Variants in FAM169A observed in about 807,000 individuals in gnomAD.
FAM169A encodes family with sequence similarity 169 member A, also known as soluble lamin-associated protein of 75 kDa.
FAM169A carries 24 observed loss-of-function variants against 75.7 expected under a neutral mutation model. The observed-to-expected ratio is 0.32, with a 90% confidence interval of 0.23 to 0.45. The LOEUF is 0.45. Among genes scored for constraint, FAM169A ranks in the 20% least tolerant of loss-of-function variants. FAM169A has a pLI of 1.00. For synonymous variants in FAM169A, 271 were observed against 271.0 expected (o/e 1.00, Z 0.00); for missense variants, 673 against 784.0 (o/e 0.86, Z 1.69).
chr5:74,857,335 G>C (rs544798188), intron 1 of FAM169A, among the ~76,000 whole-genome samples: 1 of 151,886 alleles, frequency 6.6e-6, no homozygotes, highest in African/African-American at 2.4e-5. Context: ...CAGAGCCAAT[G>C]AACTCACAAG....
chr5:74,855,351 A>G lies in FAM169A; in HGVS notation c.-4+10814T>C, dbSNP rs375179837. Among the ~76,000 whole-genome samples the G allele has an allele frequency of 2.0e-4, 31 of 152,216 alleles. No homozygotes were observed. The East Asian group carries it at 5.2e-3, about 26-fold the overall frequency. ...GCTGGGACGACAGGTATGCACCACC[A>G]TGTTCAGCTAATTTTTTGGTATTTT... On this transcript the variant is annotated intron_variant, in intron 1 of 12. Transcript: ENST00000687041.
intron 5 of FAM169A, among the ~76,000 whole-genome samples, chr5:74,832,088 T>G (rs1748342038): frequency 6.6e-6 from 1 of 152,066 alleles, no homozygotes; most frequent in Non-Finnish European, 1.5e-5. Flanking sequence ...AACACTAATT[T>G]AAAAATTTTT....
chr5:74,850,699 A>G (rs1342125235), intron 1 of FAM169A, among the ~76,000 whole-genome samples: 1 of 152,230 alleles, frequency 6.6e-6, no homozygotes, highest in Non-Finnish European at 1.5e-5. Context: ...GAAATCAATC[A>G]AAACTTTTGC....
chr5:74,841,809 G>A lies in FAM169A; in HGVS notation c.-3-130C>T, dbSNP rs139802941. 950 of 749,022 alleles carry A rather than the reference G, an allele frequency of 1.3e-3. 10 individuals are homozygous for A. The African/African-American group carries it at 0.014, about 11-fold the overall frequency. The allele number at this position is 749,022 out of a possible 1,614,324, so 46.4% of individuals were successfully genotyped here. A position where few individuals can be genotyped will look rare whatever the true frequency, so the allele number is the denominator to read the frequency against. ...AAGATTTTTCTGTTTCACTTTGCCC[G>A]CAGAATACAACTTGAACCTGCTGAT... On this transcript the variant is annotated intron_variant, in intron 1 of 12. Coordinates refer to ENST00000687041, the MANE Select transcript of FAM169A (RefSeq NM_001376049.1).
chr5:74,796,882 T>C (rs1746305602), intron 10 of FAM169A, among the ~76,000 whole-genome samples: 1 of 152,160 alleles, frequency 6.6e-6, no homozygotes, highest in South Asian at 2.1e-4. Context: ...AATGTCACCT[T>C]GGACAACACA....
Position 74,814,028 on chromosome 5 carries a change from A to T in FAM169A, c.491-9T>A. ...AGAGGCACATATGCTTCCTGCAGTA[A>T]TAAGAACAGAAACCCAATAATTTCT... On this transcript the variant is annotated splice_polypyrimidine_tract_variant and intron_variant, in intron 5 of 12. Transcript: ENST00000687041. 6.6e-7 allele frequency: 1 copy of T among 1,515,738 alleles called. No individual in the cohort carries two copies. The highest frequency in any genetic ancestry group is 8.8e-7 in the Non-Finnish European group (1 of 1,137,116). The allele number at this position is 1,515,738 out of a possible 1,614,324, so 93.9% of individuals were successfully genotyped here. A position where few individuals can be genotyped will look rare whatever the true frequency, so the allele number is the denominator to read the frequency against.
chr5:74,799,427 T>A (rs1406674422), intron 10 of FAM169A: 3 of 1,613,016 alleles, frequency 1.9e-6, no homozygotes, highest in Non-Finnish European at 2.5e-6. Context: ...CGCTCCACAG[T>A]CCTCAGCTTG....
intron 1 of FAM169A, 106 bp downstream of exon 1, chr5:74,866,059 T>C (rs1432938300): frequency 3.8e-6 from 2 of 522,572 alleles, no homozygotes; most frequent in East Asian, 3.0e-4. Context: ...GTGGCCCGCG[T>C]CGCCGCTCGG....
At chr5:74,796,989 C>G (rs996875979) in intron 10 of FAM169A, among the ~76,000 whole-genome samples, 13 of 152,184 alleles carry the variant, frequency 8.5e-5, no homozygotes, top group African/African-American at 2.9e-4. Flanking sequence ...CCAGTTCTCT[C>G]TGGACCACTG....
Position 74,779,577 on chromosome 5 carries a change from TAA to T in FAM169A, c.*1881_*1882del, listed in dbSNP as rs973697787. The stretch of plus-strand genomic sequence containing the variant: ...TGACAGAAGTTTCTCATAAAATGTA[TAA>T]AACAGCATAAATGTTTGGTAGATTC... On this transcript the variant is annotated 3_prime_UTR_variant, in exon 13 of 13. Coordinates refer to ENST00000687041, the MANE Select transcript of FAM169A (RefSeq NM_001376049.1). The T allele has an allele frequency of 2.0e-5, 3 of 151,878 alleles. No individual in the cohort carries two copies. The highest frequency in any genetic ancestry group is 7.2e-5 in the African/African-American group (3 of 41,386). The allele number at this position is 151,878 out of a possible 1,614,324, so 9.4% of individuals were successfully genotyped here. A position where few individuals can be genotyped will look rare whatever the true frequency, so the allele number is the denominator to read the frequency against.
rs1174750096 is a variant in FAM169A at position 74,808,193 on chromosome 5, C to A, written c.671-2909G>T. 2.0e-5 allele frequency among the ~76,000 whole-genome samples: 3 copies of A among 152,134 alleles called. No homozygotes were observed. In the East Asian group the frequency reaches 5.8e-4, roughly 29 times the overall value. On this transcript the variant is annotated intron_variant, in intron 6 of 12. Coordinates refer to ENST00000687041, the MANE Select transcript of FAM169A (RefSeq NM_001376049.1). ...CACCAACATTCATTGAAGCATTATT[C>A]ACAATAGCCAAAAGGTAGAAACAAC...
intron 10 of FAM169A, chr5:74,799,902 T>C: frequency 2.1e-6 from 2 of 938,158 alleles, no homozygotes; most frequent in Non-Finnish European, 3.5e-6. Context: ...GGAATGCTTC[T>C]GCAACACGGA....
In FAM169A at chr5:74,779,984, C is replaced by CA. The variant is rs1314770299; in HGVS notation, c.*1475dup. ...ATTTTTAAAACAATTTAAATGGTCTCAAAACATTCTCCAACTTAAGTGCAA... is the reference window on the plus strand; with the variant it reads ...ATTTTTAAAACAATTTAAATGGTCTCAAAAACATTCTCCAACTTAAGTGCAA... On this transcript the variant is annotated 3_prime_UTR_variant, in exon 13 of 13. Transcript: ENST00000687041. 2 of 152,146 alleles carry CA rather than the reference C, an allele frequency of 1.3e-5. No homozygotes were observed. The highest frequency in any genetic ancestry group is 4.8e-5 in the African/African-American group (2 of 41,432). The allele number at this position is 152,146 out of a possible 1,614,324, so 9.4% of individuals were successfully genotyped here. A position where few individuals can be genotyped will look rare whatever the true frequency, so the allele number is the denominator to read the frequency against.
chr5:74,791,902 TA>T (rs1745997060), intron 11 of FAM169A, among the ~76,000 whole-genome samples: 1 of 152,388 alleles, frequency 6.6e-6, no homozygotes. Context: ...ACCAGGACTG[TA>T]ATTGTCATGA....
intron 6 of FAM169A, among the ~76,000 whole-genome samples, chr5:74,810,811 T>C (rs1747147050): frequency 8.0e-6 from 1 of 124,968 alleles, no homozygotes; most frequent in African/African-American, 3.2e-5. Context: ...ACTTAATAGA[T>C]ATTTGCCCTT....
chr5:74,840,984 G>A (rs1050917047), intron 2 of FAM169A, among the ~76,000 whole-genome samples: 1 of 151,958 alleles, frequency 6.6e-6, no homozygotes. Context: ...TAAAAATATT[G>A]GTGCTGGGGA....
chr5:74,856,378 T>C (rs1273884547), intron 1 of FAM169A, among the ~76,000 whole-genome samples: 1 of 152,230 alleles, frequency 6.6e-6, no homozygotes, highest in South Asian at 2.1e-4. Context: ...TTAGGTAATA[T>C]GAACATGTTG....
intron 5 of FAM169A, among the ~76,000 whole-genome samples, chr5:74,814,591 C>T (rs1444490916): frequency 1.3e-5 from 2 of 152,132 alleles, no homozygotes; most frequent in African/African-American, 4.8e-5. Flanking sequence ...GAATTGGAAA[C>T]ATCTGTCTTA....
At chr5:74,856,416 C>A (rs1749708729) in intron 1 of FAM169A, among the ~76,000 whole-genome samples, 1 of 152,146 alleles carries the variant, frequency 6.6e-6, no homozygotes, top group South Asian at 2.1e-4. Context: ...AATATATGGA[C>A]ATGAAATATC....
Sources: allele counts gnomAD v4.1 joint callset (sites outside exome capture counted in the v4.1 genomes callset), GRCh38; gene constraint gnomAD v4.1.1; transcripts MANE v1.5; gene names NCBI Gene and HGNC (gene_info 2026-07-23, HGNC 2026-07-21).